Variants in ADGRB1 observed in about 807,000 individuals in gnomAD.
ADGRB1 encodes the protein brain-specific angiogenesis inhibitor 1.
ADGRB1 carries 36 observed loss-of-function variants against 175.7 expected under a neutral mutation model. The ratio of observed to expected loss-of-function variants is 0.20; its 90% confidence interval spans 0.16 to 0.27. The LOEUF is 0.27. Ranked by LOEUF, ADGRB1 falls within the 10% of genes least tolerant of loss-of-function variation. The probability of loss-of-function intolerance (pLI) is 1.00; values close to 1 mark genes in which losing one functional copy is unlikely to be tolerated. For synonymous variants in ADGRB1, 1,054 were observed against 979.4 expected (o/e 1.08, Z -1.42); for missense variants, 1,731 against 2,255.3 (o/e 0.77, Z 4.71).
rs1017314211 is a variant in ADGRB1 at position 142,544,729 on chromosome 8, C to T, written c.*312C>T. On this transcript the variant is annotated 3_prime_UTR_variant, in exon 31 of 31. Transcript: ENST00000517894. ...GGACCGTGGACAGGCCCAGCGCGGCCAGCGTCCCAGGGTACCCGCCTGAGC... is the reference window on the plus strand; with the variant it reads ...GGACCGTGGACAGGCCCAGCGCGGCTAGCGTCCCAGGGTACCCGCCTGAGC... The T allele has an allele frequency of 2.6e-5, 6 of 231,196 alleles. No homozygotes were observed. Among genetic ancestry groups the T allele is most frequent in the African/African-American group, 1.1e-4 (5 of 44,038 alleles). 14.3% of individuals were successfully genotyped at this position (231,196 alleles called of 1,614,324 possible).
intron 27 of ADGRB1, among the ~76,000 whole-genome samples, chr8:142,541,108 C>G (rs898882284): frequency 6.6e-6 from 1 of 151,994 alleles, no homozygotes; most frequent in Non-Finnish European, 1.5e-5. Flanking sequence ...AGGGGGCAGG[C>G]CAGGCTTCCC....
intron 18 of ADGRB1, among the ~76,000 whole-genome samples, chr8:142,517,581 G>A (rs1360943802): frequency 4.6e-5 from 7 of 152,022 alleles, no homozygotes; most frequent in East Asian, 1.9e-4. Context: ...AACAGAGAGC[G>A]AGGGGTGGGA....
intron 17 of ADGRB1, among the ~76,000 whole-genome samples, chr8:142,500,342 G>T (rs1280287826): frequency 3.9e-5 from 2 of 50,688 alleles, no homozygotes; most frequent in African/African-American, 2.0e-4. Flanking sequence ...CCCCCGCGCC[G>T]CTCCTCCCCC....
intron 8 of ADGRB1, 60 bp downstream of exon 8, chr8:142,479,547 TG>T: frequency 6.6e-7 from 1 of 1,509,520 alleles, no homozygotes; most frequent in Non-Finnish European, 8.8e-7. Flanking sequence ...TGGGCGGGCT[TG>T]GGCTCAGCTG....
chr8:142,535,505 C>A (rs1235484588), intron 25 of ADGRB1, among the ~76,000 whole-genome samples: 3 of 152,202 alleles, frequency 2.0e-5, no homozygotes, highest in Non-Finnish European at 4.4e-5. Context: ...TAGCAAGGGG[C>A]CTTGCCTACC....
At chr8:142,509,083 T>G (rs1198251850) in intron 17 of ADGRB1, among the ~76,000 whole-genome samples, 1 of 152,156 alleles carries the variant, frequency 6.6e-6, no homozygotes, top group Non-Finnish European at 1.5e-5. Context: ...CTCACGGGTC[T>G]CCCCCGCCAG....
chr8:142,513,321 G>A (rs1257877140), intron 18 of ADGRB1, among the ~76,000 whole-genome samples: 1 of 152,142 alleles, frequency 6.6e-6, no homozygotes, highest in Non-Finnish European at 1.5e-5. Flanking sequence ...AGGGGTGTGA[G>A]CTGACAGTCA....
chr8:142,492,526 G>T lies in ADGRB1; in HGVS notation c.2675+1711G>T, dbSNP rs1003786503. Among the ~76,000 whole-genome samples, 3 of 152,190 alleles carry T rather than the reference G, an allele frequency of 2.0e-5. No homozygotes were observed. The highest frequency in any genetic ancestry group is 7.2e-5 in the African/African-American group (3 of 41,448). ...GCAGAGGCCTGGCAAGCACAGCTCT[G>T]CGTGTGAGTGTCTGGGGATGAGCGT... On this transcript the variant is annotated intron_variant, in intron 17 of 30. Transcript: ENST00000517894. This position sits in a 1 kb window ranked among gnomAD's most constrained non-coding sequence, Gnocchi z 4.4.
chr8:142,478,331 C>T lies in ADGRB1; in HGVS notation c.1532C>T (p.Thr511Ile), dbSNP rs760968791. Residue 511 changes from threonine to isoleucine, a missense_variant, in exon 7 of 31, where the codon ACC (threonine) becomes ATC (isoleucine). By Grantham distance (89) the Thr-to-Ile change is moderately conservative. This residue lies in a region of ADGRB1 where 388 missense variants were observed against 630.9 expected (regional missense o/e 0.61). Transcript: ENST00000517894. ...GAGTGCCAGGGCCACTGGGTGGAGA[C>T]CCGAGACTGCTTCCTGCAGCAGTGC... ...GAECQGHWVE[T>I]RDCFLQQCPV... 7.5e-6 allele frequency: 12 copies of T among 1,608,528 alleles called. No individual in the cohort carries two copies. The highest frequency in any genetic ancestry group is 1.0e-5 in the Non-Finnish European group (12 of 1,178,028).
At chr8:142,514,847 C>T (rs1034257213) in intron 18 of ADGRB1, among the ~76,000 whole-genome samples, 1 of 151,834 alleles carries the variant, frequency 6.6e-6, no homozygotes, top group Non-Finnish European at 1.5e-5. Context: ...TAATCTGGGT[C>T]AGGGGTCAGA....
intron 20 of ADGRB1, 77 bp from the exon 21 acceptor site, chr8:142,521,888 C>T (rs1209888592): frequency 6.7e-7 from 1 of 1,497,816 alleles, no homozygotes; most frequent in Non-Finnish European, 9.0e-7. Context: ...CTGCCAGCTG[C>T]AGACAGGCAC....
At chr8:142,519,612 G>C (rs954897169) in intron 19 of ADGRB1, among the ~76,000 whole-genome samples, 2 of 151,304 alleles carry the variant, frequency 1.3e-5, no homozygotes, top group Non-Finnish European at 2.9e-5. Flanking sequence ...GGTAGTGATG[G>C]TGGTGGTGAT....
chr8:142,528,835 C>G (rs1844405984), intron 24 of ADGRB1, among the ~76,000 whole-genome samples: 1 of 152,264 alleles, frequency 6.6e-6, no homozygotes, highest in Non-Finnish European at 1.5e-5. Flanking sequence ...CAGGCCTGCT[C>G]TAGGCCTGGC....
chr8:142,534,585 G>C (rs533200433), intron 25 of ADGRB1, among the ~76,000 whole-genome samples: 2 of 152,340 alleles, frequency 1.3e-5, no homozygotes, highest in East Asian at 3.9e-4. Context: ...GGAAGAGCCA[G>C]AGTTCTGATG....
At chr8:142,486,795 G>C (rs113163642) in intron 13 of ADGRB1, among the ~76,000 whole-genome samples, 4 of 152,306 alleles carry the variant, frequency 2.6e-5, no homozygotes, top group African/African-American at 9.6e-5. Context: ...AAGGCAGGAG[G>C]ATCGCTTGAG....
chr8:142,462,158 G>A (rs113641614), intron 1 of ADGRB1, among the ~76,000 whole-genome samples: 23 of 152,270 alleles, frequency 1.5e-4, no homozygotes, highest in African/African-American at 5.1e-4. Flanking sequence ...GCGCCAGGAT[G>A]GGAAGATTGT....
intron 25 of ADGRB1, 57 bp from the exon 26 acceptor site, chr8:142,536,930 C>T (rs1005495739): frequency 1.2e-5 from 17 of 1,442,432 alleles, no homozygotes; most frequent in Admixed American, 6.3e-5. Context: ...TCTGATCTGG[C>T]GCTGGCGCAG....
intron 13 of ADGRB1, 23 bp from the exon 14 acceptor site, chr8:142,488,341 C>A (rs566690078): frequency 4.3e-5 from 70 of 1,612,316 alleles, no homozygotes; most frequent in Non-Finnish European, 5.3e-5. Context: ...CTCTGTCTCT[C>A]CCGCCTTTGA....
chr8:142,475,388 C>T (rs1840900263), intron 2 of ADGRB1, 86 bp from the exon 3 acceptor site: 2 of 1,219,002 alleles, frequency 1.6e-6, no homozygotes, highest in Non-Finnish European at 1.0e-6. Flanking sequence ...GGGCCGGCCT[C>T]GGCGGGCTTA....
Sources: gnomAD v4.1 joint callset for allele counts (sites outside exome capture counted in the v4.1 genomes callset) on GRCh38, gnomAD v4.1.1 for gene constraint, gnomAD v4.1.1 regional missense constraint, Gnocchi (gnomAD v3.1) non-coding constraint, MANE v1.5 for transcripts, NCBI Gene and HGNC (gene_info 2026-07-23, HGNC 2026-07-21) for gene names.